CDH13: variants seen among roughly 807,000 people sequenced by gnomAD.
The protein encoded by CDH13 is cadherin-13.
A neutral mutation model predicts 63.8 loss-of-function variants in CDH13; 24 were observed. The observed-to-expected ratio is 0.38, with a 90% CI of 0.27 to 0.53. The LOEUF (loss-of-function observed/expected upper bound fraction) is 0.53, where lower values mean the gene tolerates loss of function less well. Among genes scored for constraint, CDH13 ranks in the 20% least tolerant of loss-of-function variants. CDH13 has a pLI of 0.85. For missense variants in CDH13, 1,049 were observed against 903.1 expected (o/e 1.16, Z -2.07); for synonymous variants, 503 against 355.3 (o/e 1.42, Z -4.67).
At chr16:82,939,704 C>T (rs963546085) in intron 2 of CDH13, among the ~76,000 whole-genome samples, 1 of 152,188 alleles carries the variant, frequency 6.6e-6, no homozygotes, top group Non-Finnish European at 1.5e-5. Context: ...GTCCTTTCTC[C>T]TCACCGGTTC....
At chr16:83,426,539 A>ACT in intron 6 of CDH13, among the ~76,000 whole-genome samples, 1 of 151,404 alleles carries the variant, frequency 6.6e-6, no homozygotes, top group East Asian at 2.0e-4. Flanking sequence ...ACACACACAC[A>ACT]CACACTCATG....
chr16:83,555,880 ATTCCG>A (rs2075589851), intron 7 of CDH13, among the ~76,000 whole-genome samples: 1 of 152,220 alleles, frequency 6.6e-6, no homozygotes, highest in Non-Finnish European at 1.5e-5. Context: ...ATGCAAGAGT[ATTCCG>A]TTCTGTTTCT....
At chr16:83,288,325 G>T (rs1170834109) in intron 5 of CDH13, among the ~76,000 whole-genome samples, 2 of 152,192 alleles carry the variant, frequency 1.3e-5, no homozygotes, top group Admixed American at 1.3e-4. Flanking sequence ...GTTCCATGGT[G>T]TCTTTTAATA....
At chr16:83,222,212 T>C (rs2039720216) in intron 5 of CDH13, among the ~76,000 whole-genome samples, 1 of 152,210 alleles carries the variant, frequency 6.6e-6, no homozygotes. Context: ...TTTCATACTA[T>C]ATAACTTGTT....
chr16:82,796,200 C>G (rs2036574968), intron 1 of CDH13, among the ~76,000 whole-genome samples: 1 of 152,062 alleles, frequency 6.6e-6, no homozygotes, highest in Non-Finnish European at 1.5e-5. Context: ...GCTGGGTGAA[C>G]TCAATTGACA....
chr16:82,938,762 G>A (rs1171958620), intron 2 of CDH13, among the ~76,000 whole-genome samples: 3 of 152,204 alleles, frequency 2.0e-5, no homozygotes, highest in African/African-American at 4.8e-5. Flanking sequence ...TTAAGCTATG[G>A]TAGGCAACTA....
At chr16:82,741,864 A>G (rs1483990935) in intron 1 of CDH13, among the ~76,000 whole-genome samples, 1 of 152,172 alleles carries the variant, frequency 6.6e-6, no homozygotes, top group Non-Finnish European at 1.5e-5. Context: ...ACTTTCAGGG[A>G]TTTTTATCAT....
intron 1 of CDH13, among the ~76,000 whole-genome samples, chr16:82,685,060 A>C (rs996964147): frequency 1.3e-5 from 2 of 151,616 alleles, no homozygotes; most frequent in East Asian, 1.9e-4. Context: ...GTAAACCTGC[A>C]ATAACTCAGT....
chr16:83,048,081 A>G (rs1206722175), intron 3 of CDH13, among the ~76,000 whole-genome samples: 1 of 152,230 alleles, frequency 6.6e-6, no homozygotes, highest in Non-Finnish European at 1.5e-5. Context: ...AGCTGTATCC[A>G]AAAGGGTTAA....
In CDH13 at chr16:83,293,209, T is replaced by TA. The variant is rs1331650126; in HGVS notation, c.637-51652dup. Among the ~76,000 whole-genome samples, 5 of 152,340 alleles carry TA rather than the reference T, an allele frequency of 3.3e-5. No homozygotes were observed. In the East Asian group the frequency reaches 9.6e-4, roughly 29 times the overall value. ...CTCATATCTGATAAGGGCCAAATCC[T>TA]ATGATAAGAGGTCAGAGACTGGTCT... On this transcript the variant is annotated intron_variant, in intron 5 of 13. Transcript: ENST00000567109.
intron 7 of CDH13, among the ~76,000 whole-genome samples, chr16:83,506,112 A>G (rs934686943): frequency 3.3e-5 from 5 of 152,174 alleles, no homozygotes; most frequent in African/African-American, 1.2e-4. Context: ...ACAGGATTTG[A>G]AGTTGTTCCA....
At chr16:82,870,146 A>G (rs572300830) in intron 2 of CDH13, among the ~76,000 whole-genome samples, 1 of 152,236 alleles carries the variant, frequency 6.6e-6, no homozygotes, top group Admixed American at 6.5e-5. Flanking sequence ...ATCTCATTAA[A>G]AATGGGCGAA....
At chr16:83,280,963 T>C (rs561725484) in intron 5 of CDH13, among the ~76,000 whole-genome samples, 2 of 152,214 alleles carry the variant, frequency 1.3e-5, no homozygotes, top group Non-Finnish European at 2.9e-5. Context: ...CATCCAGATT[T>C]TGTTATTCCA....
At chr16:83,320,219 T>G (rs904453002) in intron 5 of CDH13, among the ~76,000 whole-genome samples, 13 of 152,118 alleles carry the variant, frequency 8.5e-5, no homozygotes, top group Non-Finnish European at 1.5e-4. Flanking sequence ...GTTCCTTTTT[T>G]TTTTTTGGTA....
intron 12 of CDH13, 103 bp downstream of exon 12, chr16:83,780,304 G>T: frequency 6.7e-6 from 5 of 746,448 alleles, no homozygotes; most frequent in East Asian, 2.7e-5. Flanking sequence ...ATTCTCATTT[G>T]GTTCATTTTA....
intron 5 of CDH13, among the ~76,000 whole-genome samples, chr16:83,314,743 A>G (rs1183465895): frequency 6.6e-6 from 1 of 152,214 alleles, no homozygotes; most frequent in Non-Finnish European, 1.5e-5. Flanking sequence ...TGGGTACATC[A>G]TGCTGTAGTT....
At position 83,678,363 on chromosome 16, in the gene CDH13, C is replaced by T. The variant is rs1168249327; in HGVS notation, c.1440C>T (p.Asp480=). ...ACGAGGGCCCAGTCTTCTACCCAGA[C>T]CCCATGATGGTGACCAGGCAGGAGG... ...DVNEGPVFYP[D]PMMVTRQEDL... The change falls in exon 10 of 14, where the codon GAC becomes GAT. Residue 480 remains aspartate (D), a synonymous_variant. Coordinates refer to ENST00000567109, the MANE Select transcript of CDH13 (RefSeq NM_001257.5). The T allele has an allele frequency of 1.7e-5, 27 of 1,613,876 alleles. No homozygotes were observed. In the East Asian group the frequency reaches 6.0e-4, roughly 36 times the overall value.
chr16:83,021,145 G>A (rs1396624682), intron 2 of CDH13, among the ~76,000 whole-genome samples: 2 of 152,028 alleles, frequency 1.3e-5, no homozygotes, highest in African/African-American at 4.8e-5. Context: ...TCGCTTAATG[G>A]GTGACTTTCA....
chr16:82,924,356 G>C (rs79428160), intron 2 of CDH13, among the ~76,000 whole-genome samples: 5,937 of 152,142 alleles, frequency 0.039, 180 homozygotes, highest in Middle Eastern at 0.058. Context: ...TCAACATAAT[G>C]TTAAAACAAA....
Sources: gnomAD v4.1 joint callset for allele counts (sites outside exome capture counted in the v4.1 genomes callset) on GRCh38, gnomAD v4.1.1 for gene constraint, MANE v1.5 for transcripts, NCBI Gene and HGNC (gene_info 2026-07-23, HGNC 2026-07-21) for gene names.